ZP3: variants seen among roughly 807,000 people sequenced by gnomAD.
The protein encoded by ZP3 is zona pellucida sperm-binding protein 3.
Under a neutral mutation model 35.6 loss-of-function variants are expected in ZP3, and 21 were observed. The observed-to-expected ratio is 0.59, with a 90% CI of 0.42 to 0.85. The LOEUF is 0.85. Ranked by LOEUF, ZP3 falls within the 40% of genes least tolerant of loss-of-function variation. The pLI, the probability that ZP3 is intolerant of heterozygous loss-of-function variation, is 0.00. For missense variants in ZP3, 437 were observed against 536.5 expected (o/e 0.81, Z 1.83); for synonymous variants, 207 against 214.5 (o/e 0.96, Z 0.31).
chr7:76,425,035 C>T lies in ZP3; in HGVS notation c.71C>T (p.Pro24Leu). 20 of 1,600,532 alleles carry T rather than the reference C, an allele frequency of 1.2e-5. No homozygotes were observed. Among genetic ancestry groups the T allele is most frequent in the Non-Finnish European group, 1.6e-5 (19 of 1,173,976 alleles). Residue 24 changes from proline (P) to leucine (L), a missense_variant, in exon 1 of 8, where the codon CCC (proline) becomes CTC (leucine). Pro to Leu is a moderately conservative substitution (Grantham distance 98). This residue lies in a region of ZP3 where 352 missense variants were observed against 308.4 expected (regional missense o/e 1.14). Coordinates refer to ENST00000394857, the MANE Select transcript of ZP3 (RefSeq NM_001110354.2). Reference protein sequence around the residue: ...WGSTELCYPQPLWLLQGGASH... With the variant: ...WGSTELCYPQLLWLLQGGASH... The stretch of plus-strand genomic sequence containing the variant: ...AGTACTGAGCTGTGCTACCCCCAAC[C>T]CCTCTGGCTCTTGCAGGGTGGAGCC...
intron 3 of ZP3, 32 bp from the exon 4 acceptor site, chr7:76,433,438 A>G (rs1422372887): frequency 6.3e-7 from 1 of 1,595,088 alleles, no homozygotes; most frequent in East Asian, 2.2e-5. Context: ...TACAGGCATG[A>G]GCCACCATGC....
chr7:76,441,375 C>CT (rs918451482), intron 7 of ZP3, among the ~76,000 whole-genome samples: 1 of 150,774 alleles, frequency 6.6e-6, no homozygotes, highest in East Asian at 2.0e-4. Context: ...AGAAAGCTGT[C>CT]TTTTTCTTTT....
upstream of ZP3, chr7:76,424,769 T>C: frequency 1.8e-6 from 1 of 541,052 alleles, no homozygotes. Flanking sequence ...CATGCTGGGG[T>C]GAAGGCTGAG....
chr7:76,436,264 C>CTT (rs1256447610), intron 5 of ZP3, among the ~76,000 whole-genome samples: 1 of 152,084 alleles, frequency 6.6e-6, no homozygotes, highest in Non-Finnish European at 1.5e-5. Context: ...CCAGGCTGGT[C>CTT]TTGAATACCC....
At chr7:76,420,529 C>T (rs1805481218), upstream of ZP3, among the ~76,000 whole-genome samples, 1 of 152,138 alleles carries the variant, frequency 6.6e-6, no homozygotes, top group Non-Finnish European at 1.5e-5. Flanking sequence ...TAAATTTAGA[C>T]ATTCTTTACT....
intron 1 of ZP3, chr7:76,429,254 C>G (rs1805759475): frequency 2.2e-6 from 1 of 457,550 alleles, no homozygotes; most frequent in East Asian, 4.1e-5. Flanking sequence ...CTGCCTCTTT[C>G]CTGACCAGTG....
At chr7:76,408,874 G>A (rs776771852) in intron 1 of ZP3, among the ~76,000 whole-genome samples, 81 of 152,146 alleles carry the variant, frequency 5.3e-4, no homozygotes, top group African/African-American at 6.5e-4. Context: ...CAGTACAGCC[G>A]GCAGCCTAAC....
chr7:76,400,953 G>A, intron 1 of ZP3: 1 of 1,549,476 alleles, frequency 6.5e-7, no homozygotes, highest in South Asian at 1.2e-5. Context: ...CCTGTCTGAG[G>A]CTGGAGTACC....
chr7:76,417,621 T>C lies in ZP3; in HGVS notation c.-66-7431T>C, dbSNP rs879812043. Among the ~76,000 whole-genome samples the C allele has an allele frequency of 1.7e-3, 253 of 151,876 alleles. 1 individual carries two copies. Among genetic ancestry groups the C allele is most frequent in the Non-Finnish European group, 2.4e-3 (165 of 67,930 alleles). On this transcript the variant is annotated intron_variant, in intron 1 of 8. Coordinates refer to the ZP3 transcript ENST00000336517. Reference sequence around the variant, plus strand: ...ACTATTTATTCTTTTATTCTTTTTTTTTTTTTCGAGACAAGATCTCACTCT... The same window carrying C: ...ACTATTTATTCTTTTATTCTTTTTTCTTTTTTCGAGACAAGATCTCACTCT...
chr7:76,429,627 AC>A lies in ZP3; in HGVS notation c.429del (p.Arg144GlyfsTer5). 6.2e-7 allele frequency: 1 copy of A among 1,613,806 alleles called. No individual in the cohort carries two copies. Among genetic ancestry groups the A allele is most frequent in the South Asian group, 1.1e-5 (1 of 91,074 alleles). On this transcript the variant is annotated frameshift_variant, in exon 2 of 8. Coordinates refer to ENST00000394857, the MANE Select transcript of ZP3 (RefSeq NM_001110354.2). LOFTEE classifies it high-confidence loss of function. Reference sequence around the variant, plus strand: ...GCAGAGATTCCCATCGAGTGCCGCTACCCCAGGTCGGTGTGGGACTGACTCA... The same window carrying A: ...GCAGAGATTCCCATCGAGTGCCGCTACCCAGGTCGGTGTGGGACTGACTCA... Reference protein sequence around the residue: ...NRAEIPIECRYPRQGNVSSQA... With the variant: ...NRAEIPIECRXPRQGNVSSQA...
chr7:76,423,067 G>GAAAGAAAGAAACAAAGAAAGAAAC (rs1554624529), upstream of ZP3, among the ~76,000 whole-genome samples: 196 of 143,448 alleles, frequency 1.4e-3, 2 homozygotes, highest in African/African-American at 4.9e-3. Flanking sequence ...AAGAAAGAAA[G>GAAAGAAAGAAACAAAGAAAGAAAC]AAAGAAAGAA....
intron 5 of ZP3, among the ~76,000 whole-genome samples, chr7:76,437,740 CCACTGACCTCAGCCT>C (rs1806067970): frequency 6.6e-6 from 1 of 150,698 alleles, no homozygotes; most frequent in Admixed American, 6.6e-5. Flanking sequence ...CTCAGGTGAT[CCACTGACCTCAGCCT>C]CCCAAAGTGC....
intron 1 of ZP3, among the ~76,000 whole-genome samples, chr7:76,406,116 G>T (rs558406664): frequency 1.3e-5 from 2 of 152,248 alleles, no homozygotes; most frequent in Non-Finnish European, 2.9e-5. Context: ...CTCCTGAGTA[G>T]CTGGGATTAC....
intron 1 of ZP3, among the ~76,000 whole-genome samples, chr7:76,408,409 A>G (rs1363363100): frequency 6.6e-6 from 1 of 152,090 alleles, no homozygotes; most frequent in Non-Finnish European, 1.5e-5. Context: ...GACACAGTCC[A>G]GTCTTTGCTT....
At chr7:76,422,933 G>T (rs1364189571), upstream of ZP3, among the ~76,000 whole-genome samples, 1 of 150,418 alleles carries the variant, frequency 6.6e-6, no homozygotes, top group Non-Finnish European at 1.5e-5. Context: ...GGAGGCGGAG[G>T]TTGCAGTGAG....
At chr7:76,433,345 G>A (rs991006344) in intron 3 of ZP3, 125 bp from the exon 4 acceptor site, 9 of 1,022,380 alleles carry the variant, frequency 8.8e-6, no homozygotes, top group Non-Finnish European at 1.3e-5. Flanking sequence ...AGTAGAGATG[G>A]GGTTTTGCCA....
intron 1 of ZP3, among the ~76,000 whole-genome samples, chr7:76,417,544 C>A (rs553763711): frequency 1.3e-5 from 2 of 152,114 alleles, no homozygotes; most frequent in South Asian, 4.1e-4. Flanking sequence ...TCTTATTTTC[C>A]ATCACACGCC....
At chr7:76,405,979 C>CTTTCT (rs201510499) in intron 1 of ZP3, among the ~76,000 whole-genome samples, 11,747 of 147,896 alleles carry the variant, frequency 0.079, 609 homozygotes, top group Middle Eastern at 0.16. Context: ...CTTTCCTTTC[C>CTTTCT]TTTCTTTTCT....
At chr7:76,423,950 G>A (rs190358857), upstream of ZP3, among the ~76,000 whole-genome samples, 2 of 151,952 alleles carry the variant, frequency 1.3e-5, no homozygotes, top group Admixed American at 1.3e-4. Context: ...GATTCACCCA[G>A]GAATGAAGAA....
Sources: gnomAD v4.1 joint callset for allele counts (sites outside exome capture counted in the v4.1 genomes callset) on GRCh38, gnomAD v4.1.1 for gene constraint, gnomAD v4.1.1 regional missense constraint, MANE v1.5 for transcripts, NCBI Gene and HGNC (gene_info 2026-07-23, HGNC 2026-07-21) for gene names.